Variants in RBFOX1 observed in about 807,000 individuals in gnomAD.
RBFOX1 encodes RNA binding protein fox-1 homolog 1.
In RBFOX1, 8 loss-of-function variants were observed where a neutral mutation model predicts 57.7. The observed-to-expected ratio is 0.14, with a 90% CI of 0.08 to 0.25. The LOEUF is 0.25. RBFOX1 is among the 10% of genes least tolerant of loss of function. The pLI, the probability that RBFOX1 is intolerant of heterozygous loss-of-function variation, is 1.00. For missense variants in RBFOX1, 611 were observed against 548.5 expected (o/e 1.11, Z -1.14); for synonymous variants, 326 against 222.4 (o/e 1.47, Z -4.15).
intron 2 of RBFOX1, among the ~76,000 whole-genome samples, chr16:5,492,514 C>A (rs913613142): frequency 6.6e-6 from 1 of 152,110 alleles, no homozygotes; most frequent in South Asian, 2.1e-4. Flanking sequence ...TGAGCTTAGA[C>A]CTGAAGATGA....
At chr16:5,511,599 A>G (rs946383145) in intron 2 of RBFOX1, among the ~76,000 whole-genome samples, 2 of 152,094 alleles carry the variant, frequency 1.3e-5, no homozygotes, top group African/African-American at 4.8e-5. Flanking sequence ...TTTCCCCTCA[A>G]TATGATAATC....
At chr16:7,339,620 A>G (rs142886930) in intron 4 of RBFOX1, among the ~76,000 whole-genome samples, 51 of 152,210 alleles carry the variant, frequency 3.4e-4, no homozygotes, top group Admixed American at 2.8e-3. Context: ...TTGTATTTTT[A>G]GTAAAGACAG....
chr16:5,881,189 A>G (rs954455034), intron 4 of RBFOX1, among the ~76,000 whole-genome samples: 3 of 152,168 alleles, frequency 2.0e-5, no homozygotes, highest in Non-Finnish European at 4.4e-5. Context: ...AATCCTCTCC[A>G]TCTTGGCCCT....
intron 2 of RBFOX1, among the ~76,000 whole-genome samples, chr16:6,633,746 T>G (rs75973571): frequency 6.6e-6 from 1 of 152,190 alleles, no homozygotes; most frequent in Non-Finnish European, 1.5e-5. Flanking sequence ...CTGTAGCTCA[T>G]GCCTGTAATC....
chr16:6,099,444 A>T (rs1363342120), intron 1 of RBFOX1, among the ~76,000 whole-genome samples: 1 of 152,208 alleles, frequency 6.6e-6, no homozygotes, highest in East Asian at 1.9e-4. Flanking sequence ...TCAATTGATT[A>T]TGTGATTCTA....
At chr16:6,001,640 AAATACATGGTAAC>A (rs1448011344) in intron 4 of RBFOX1, among the ~76,000 whole-genome samples, 3 of 152,238 alleles carry the variant, frequency 2.0e-5, no homozygotes, top group Non-Finnish European at 4.4e-5. Flanking sequence ...GTATTTGCTT[AAATACATGGTAAC>A]AATGCTAGTT....
chr16:5,821,656 C>CT (rs2055862912), intron 3 of RBFOX1, among the ~76,000 whole-genome samples: 1 of 152,252 alleles, frequency 6.6e-6, no homozygotes, highest in Non-Finnish European at 1.5e-5. Flanking sequence ...GTTCCTGCTG[C>CT]TGTAACAAAA....
At chr16:5,791,378 C>G (rs554314892) in intron 3 of RBFOX1, among the ~76,000 whole-genome samples, 1 of 152,256 alleles carries the variant, frequency 6.6e-6, no homozygotes, top group East Asian at 1.9e-4. Context: ...CACCAGGAGT[C>G]ATTATTTTAA....
chr16:7,290,019 A>C (rs1370080394), intron 4 of RBFOX1, among the ~76,000 whole-genome samples: 1 of 152,184 alleles, frequency 6.6e-6, no homozygotes, highest in Non-Finnish European at 1.5e-5. Context: ...TCTTCATAGG[A>C]GAGTAAACCT....
chr16:6,779,991 A>G (rs1424645235), intron 3 of RBFOX1, among the ~76,000 whole-genome samples: 1 of 53,332 alleles, frequency 1.9e-5, no homozygotes, highest in African/African-American at 9.9e-5. Flanking sequence ...TTATATATTT[A>G]TATATTTATA....
At chr16:7,699,455 G>C (rs1051251634) in intron 14 of RBFOX1, among the ~76,000 whole-genome samples, 1 of 152,144 alleles carries the variant, frequency 6.6e-6, no homozygotes, top group Admixed American at 6.5e-5. Flanking sequence ...GCCTACCAAA[G>C]TCCTGCGAGT....
At chr16:6,625,158 A>T (rs996021794) in intron 2 of RBFOX1, among the ~76,000 whole-genome samples, 3 of 6,170 alleles carry the variant, frequency 4.9e-4, no homozygotes, top group African/African-American at 7.8e-4. Context: ...AACCCTATCT[A>T]AAAAAAAAAA....
rs568337120 is a variant in RBFOX1 at position 6,618,788 on chromosome 16, C to T, written c.-63-35815C>T. On this transcript the variant is annotated intron_variant, in intron 2 of 15. Coordinates refer to ENST00000550418, the MANE Select transcript of RBFOX1 (RefSeq NM_018723.4). ...TCCAAAGAATCCACCAACACAGTGT[C>T]CTTGGAGTCCGTCTGCGTGCCTGTG... 2.2e-4 allele frequency among the ~76,000 whole-genome samples: 34 copies of T among 152,284 alleles called. No homozygotes were observed. The South Asian group carries it at 3.3e-3, about 15-fold the overall frequency.
intron 4 of RBFOX1, among the ~76,000 whole-genome samples, chr16:7,232,504 A>G (rs17670728): frequency 0.32 from 48,790 of 151,956 alleles, 8,486 homozygotes; most frequent in East Asian, 0.68. Flanking sequence ...ACATATGCCC[A>G]CTTGTACCCA....
intron 1 of RBFOX1, among the ~76,000 whole-genome samples, chr16:5,347,117 C>T (rs534480315): frequency 2.0e-5 from 3 of 152,234 alleles, no homozygotes; most frequent in South Asian, 4.2e-4. Flanking sequence ...CAATGTTGCT[C>T]ATCCTCCTCC....
In RBFOX1 at chr16:7,156,886, C is replaced by T. The variant is rs141271782; in HGVS notation, c.27+104788C>T. 4.4e-3 allele frequency among the ~76,000 whole-genome samples: 665 copies of T among 152,052 alleles called. 2 individuals are homozygous for T. The highest frequency in any genetic ancestry group is 0.015 in the African/African-American group (633 of 41,464). Reference sequence around the variant, plus strand: ...TTTTCATAGATATTGCTAATATTTGCCCTCCAAGAAAGTTTTATCCGTTTA... The same window carrying T: ...TTTTCATAGATATTGCTAATATTTGTCCTCCAAGAAAGTTTTATCCGTTTA... On this transcript the variant is annotated intron_variant, in intron 4 of 15. Coordinates refer to ENST00000550418, the MANE Select transcript of RBFOX1 (RefSeq NM_018723.4).
chr16:7,494,970 C>A (rs1299077448), intron 4 of RBFOX1, among the ~76,000 whole-genome samples: 2 of 151,602 alleles, frequency 1.3e-5, no homozygotes, highest in Non-Finnish European at 2.9e-5. Context: ...TTACTCCATT[C>A]CTTCCTGCCA....
intron 4 of RBFOX1, among the ~76,000 whole-genome samples, chr16:7,191,805 C>T (rs889672527): frequency 6.6e-6 from 1 of 152,162 alleles, no homozygotes; most frequent in South Asian, 2.1e-4. Flanking sequence ...CAACTGTAAG[C>T]ATAGCCTTCT....
intron 1 of RBFOX1, among the ~76,000 whole-genome samples, chr16:5,295,810 G>A (rs1032060327): frequency 6.6e-6 from 1 of 152,188 alleles, no homozygotes; most frequent in African/African-American, 2.4e-5. Context: ...CAGGGAAGAG[G>A]TTGTACAAGG....
Sources: gnomAD v4.1 joint callset for allele counts (sites outside exome capture counted in the v4.1 genomes callset) on GRCh38, gnomAD v4.1.1 for gene constraint, MANE v1.5 for transcripts, NCBI Gene and HGNC (gene_info 2026-07-23, HGNC 2026-07-21) for gene names.